AHI1: variants seen among roughly 807,000 people sequenced by gnomAD.
AHI1 encodes Abelson helper integration site 1, also known as jouberin.
Under a neutral mutation model 149.3 loss-of-function variants are expected in AHI1, and 123 were observed. The observed-to-expected ratio is 0.82, with a 90% CI of 0.71 to 0.96. The LOEUF is 0.96. Ranked by LOEUF, AHI1 falls within the 40% of genes least tolerant of loss-of-function variation. The pLI, the probability that AHI1 is intolerant of heterozygous loss-of-function variation, is 0.00. For synonymous variants in AHI1, 475 were observed against 459.8 expected (o/e 1.03, Z -0.42); for missense variants, 1,439 against 1,422.7 (o/e 1.01, Z -0.18).
intron 8 of AHI1, 49 bp downstream of exon 8, chr6:135,463,076 G>T: frequency 6.8e-7 from 1 of 1,465,038 alleles, no homozygotes; most frequent in Non-Finnish European, 9.2e-7. Flanking sequence ...CTAGAATCAA[G>T]TTATTTCTAC....
At chr6:135,312,522 A>G (rs1353977774) in intron 26 of AHI1, among the ~76,000 whole-genome samples, 4 of 152,156 alleles carry the variant, frequency 2.6e-5, no homozygotes, top group Non-Finnish European at 5.9e-5. Flanking sequence ...AAACAACAAC[A>G]ACAACAAAAA....
At position 135,465,903 on chromosome 6, in the gene AHI1, G is replaced by A; in HGVS notation, c.660C>T (p.Pro220=). 6.3e-7 allele frequency: 1 copy of A among 1,588,928 alleles called. No individual in the cohort carries two copies. Among genetic ancestry groups the A allele is most frequent in the East Asian group, 2.2e-5 (1 of 44,584 alleles). The change falls in exon 7 of 29, where the codon CCC becomes CCT. Residue 220 remains proline (P), a synonymous_variant. Coordinates refer to ENST00000265602, the MANE Select transcript of AHI1 (RefSeq NM_001134831.2). ...KKLKEQLTYF[P]SDTLFHDDKL... Reference sequence around the variant, plus strand: ...TGTCATCATGGAATAAAGTATCTGAGGGAAAGTAAGTCAACTGTTCTTTCA... The same window carrying A: ...TGTCATCATGGAATAAAGTATCTGAAGGAAAGTAAGTCAACTGTTCTTTCA...
chr6:135,459,012 T>C (rs1278382252), intron 8 of AHI1, among the ~76,000 whole-genome samples: 3 of 152,148 alleles, frequency 2.0e-5, no homozygotes, highest in African/African-American at 7.2e-5. Context: ...AAAAAATTAA[T>C]AAGAAGAACT....
chr6:135,398,750 C>G (rs1292831175), intron 22 of AHI1, among the ~76,000 whole-genome samples: 3 of 152,174 alleles, frequency 2.0e-5, no homozygotes, highest in African/African-American at 7.2e-5. Flanking sequence ...AACCCCTGAA[C>G]TTCTCATTTC....
intron 11 of AHI1, among the ~76,000 whole-genome samples, chr6:135,450,863 T>C (rs1295529973): frequency 2.0e-5 from 3 of 152,210 alleles, no homozygotes; most frequent in Non-Finnish European, 4.4e-5. Context: ...TGAAAGTACC[T>C]GAGAATCTGA....
At chr6:135,390,354 T>G (rs1285290594) in intron 23 of AHI1, among the ~76,000 whole-genome samples, 1 of 152,214 alleles carries the variant, frequency 6.6e-6, no homozygotes, top group Non-Finnish European at 1.5e-5. Context: ...AAATAGGATG[T>G]CCTCCTTGAC....
chr6:135,390,736 C>T (rs1778370746), intron 23 of AHI1, among the ~76,000 whole-genome samples: 1 of 152,122 alleles, frequency 6.6e-6, no homozygotes, highest in Admixed American at 6.5e-5. Flanking sequence ...GTTTTGAGGT[C>T]CCAGAAGCTC....
intron 18 of AHI1, among the ~76,000 whole-genome samples, chr6:135,429,388 T>C (rs1371406861): frequency 2.0e-5 from 3 of 151,652 alleles, no homozygotes; most frequent in Non-Finnish European, 1.5e-5. Context: ...CCCAGAACAC[T>C]GCTTCCACCT....
chr6:135,391,258 G>A (rs570507111), intron 23 of AHI1, among the ~76,000 whole-genome samples: 2 of 152,276 alleles, frequency 1.3e-5, no homozygotes, highest in African/African-American at 4.8e-5. Context: ...TTTACCTAGA[G>A]CAGCAGTACC....
chr6:135,451,371 C>A (rs558018763), intron 11 of AHI1, among the ~76,000 whole-genome samples: 1 of 152,242 alleles, frequency 6.6e-6, no homozygotes, highest in East Asian at 1.9e-4. Flanking sequence ...AATATATATT[C>A]ACCAAACACT....
intron 5 of AHI1, among the ~76,000 whole-genome samples, chr6:135,482,911 A>G (rs1286137746): frequency 8.0e-3 from 4 of 500 alleles, no homozygotes; most frequent in Non-Finnish European, 0.018. Flanking sequence ...TTTTTTTTTG[A>G]GACAGAGTCT....
At chr6:135,380,008 C>T (rs1390515560) in intron 23 of AHI1, among the ~76,000 whole-genome samples, 2 of 115,324 alleles carry the variant, frequency 1.7e-5, no homozygotes, top group Non-Finnish European at 3.5e-5. Context: ...TTCCCCTCTT[C>T]CTCCCTCCTT....
At chr6:135,469,680 G>A (rs1214613012) in intron 5 of AHI1, among the ~76,000 whole-genome samples, 3 of 151,928 alleles carry the variant, frequency 2.0e-5, no homozygotes, top group Non-Finnish European at 4.4e-5. Context: ...CAACCATCCT[G>A]TATTTGACAA....
At chr6:135,473,897 G>A (rs1258025297) in intron 5 of AHI1, among the ~76,000 whole-genome samples, 1 of 152,084 alleles carries the variant, frequency 6.6e-6, no homozygotes. Context: ...ATGGTTCAAC[G>A]TATGATTTTT....
At chr6:135,492,089 G>A in intron 4 of AHI1, 139 bp downstream of exon 4, 2 of 532,046 alleles carry the variant, frequency 3.8e-6, no homozygotes, top group South Asian at 5.9e-5. Flanking sequence ...AAACCAATAA[G>A]TATCTCTAAA....
chr6:135,494,701 C>A (rs770012261), intron 3 of AHI1, among the ~76,000 whole-genome samples: 2 of 152,020 alleles, frequency 1.3e-5, no homozygotes, highest in Non-Finnish European at 2.9e-5. Context: ...AGCAGGGAGA[C>A]AATAGGCTGA....
intron 5 of AHI1, among the ~76,000 whole-genome samples, chr6:135,479,633 G>A (rs1305992535): frequency 6.6e-6 from 1 of 152,152 alleles, no homozygotes; most frequent in Non-Finnish European, 1.5e-5. Flanking sequence ...CCTTGTGACA[G>A]ATGAGATTTT....
chr6:135,311,405 C>T (rs552449334), intron 26 of AHI1, among the ~76,000 whole-genome samples: 3 of 150,316 alleles, frequency 2.0e-5, no homozygotes, highest in Admixed American at 6.6e-5. Flanking sequence ...TAGACAAAGA[C>T]GTGTATTTAT....
At chr6:135,455,324 C>G (rs116988199) in intron 10 of AHI1, among the ~76,000 whole-genome samples, 1,634 of 152,314 alleles carry the variant, frequency 0.011, 16 homozygotes, top group Non-Finnish European at 0.018. Context: ...ACTGCATTAA[C>G]TGATCTGTGT....
Sources: allele counts gnomAD v4.1 joint callset (sites outside exome capture counted in the v4.1 genomes callset), GRCh38; gene constraint gnomAD v4.1.1; transcripts MANE v1.5; gene names NCBI Gene and HGNC (gene_info 2026-07-23, HGNC 2026-07-21).